The following GALNT5 variants were observed in gnomAD, a reference collection of about 807,000 sequenced individuals.
The protein encoded by GALNT5 is UDP-GalNAc:polypeptide N-acetylgalactosaminyltransferase 5.
Under a neutral mutation model 85.4 loss-of-function variants are expected in GALNT5, and 72 were observed. The observed-to-expected ratio is 0.84, with a 90% confidence interval of 0.70 to 1.03. The LOEUF (loss-of-function observed/expected upper bound fraction) is 1.03. Ranked by LOEUF, GALNT5 falls within the 50% of genes least tolerant of loss-of-function variation. The pLI is 0.00. For missense variants in GALNT5, 1,137 were observed against 1,135.5 expected, an observed-to-expected ratio of 1.00 and a Z score of -0.02; for synonymous variants, 404 against 397.0, an observed-to-expected ratio of 1.02 and a Z score of -0.21.
At chr2:157,307,823 G>A (rs1683486749) in intron 8 of GALNT5, among the ~76,000 whole-genome samples, 1 of 152,070 alleles carries the variant, frequency 6.6e-6, no homozygotes, top group South Asian at 2.1e-4. Flanking sequence ...CACAGACCCA[G>A]AGCATTAGAG....
rs542739133 is a variant in GALNT5, at chr2:157,314,904, C to G, written c.*3556C>G. Among the ~76,000 whole-genome samples the G allele has an allele frequency of 5.3e-5, 8 of 151,972 alleles. No homozygotes were observed. Among genetic ancestry groups the G allele is most frequent in the Non-Finnish European group, 1.0e-4 (7 of 67,990 alleles). ...ACCAGCCTGGGCAACATGGTGAAAC[C>G]CCGTCTCTACTAAAAATACAAAAAT... On this transcript the variant is annotated 3_prime_UTR_variant, in exon 10 of 10. Coordinates refer to ENST00000259056, the MANE Select transcript of GALNT5 (RefSeq NM_014568.3).
At chr2:157,296,745 T>C (rs896649496) in intron 5 of GALNT5, among the ~76,000 whole-genome samples, 3 of 152,198 alleles carry the variant, frequency 2.0e-5, no homozygotes, top group African/African-American at 7.2e-5. Flanking sequence ...AATTCACTAA[T>C]GCTATCCTGT....
chr2:157,300,091 G>T (rs1457760754), intron 6 of GALNT5, among the ~76,000 whole-genome samples: 1 of 152,190 alleles, frequency 6.6e-6, no homozygotes, highest in Non-Finnish European at 1.5e-5. Flanking sequence ...AACAGGTCAG[G>T]TGTGCCTTAT....
intron 2 of GALNT5, among the ~76,000 whole-genome samples, chr2:157,285,190 G>A (rs1381513004): frequency 6.6e-6 from 1 of 152,200 alleles, no homozygotes; most frequent in Non-Finnish European, 1.5e-5. Context: ...AGTTTCTTTA[G>A]CTTCAGAGTT....
chr2:157,272,779 T>G (rs1487683926), intron 1 of GALNT5, among the ~76,000 whole-genome samples: 1 of 152,216 alleles, frequency 6.6e-6, no homozygotes, highest in Non-Finnish European at 1.5e-5. Context: ...AATCCACCAT[T>G]GAGGGGCACC....
rs150434278 is a variant in GALNT5 at position 157,259,410 on chromosome 2, G to A, written c.1328G>A (p.Arg443His). 2.1e-4 allele frequency: 320 copies of A among 1,490,146 alleles called. 3 individuals are homozygous for A. In the Middle Eastern group the frequency reaches 2.9e-3, roughly 13 times the overall value. The allele number at this position is 1,490,146 out of a possible 1,614,324, so 92.3% of individuals were successfully genotyped here. ...CCCAAAGCTCCAGGGCAGTTTGGGCGTCCTGTAGTTGTCCCCCATGGAAAG... is the reference window on the plus strand; with the variant it reads ...CCCAAAGCTCCAGGGCAGTTTGGGCATCCTGTAGTTGTCCCCCATGGAAAG... Reference protein sequence around the residue: ...RDPKAPGQFGRPVVVPHGKEK... With the variant: ...RDPKAPGQFGHPVVVPHGKEK... The change falls in exon 1 of 10, where the codon CGT (arginine) becomes CAT (histidine). Residue 443 changes from arginine to histidine, a missense_variant. Transcript: ENST00000259056.
intron 1 of GALNT5, among the ~76,000 whole-genome samples, chr2:157,270,215 A>C (rs758752798): frequency 2.4e-4 from 36 of 152,144 alleles, no homozygotes; most frequent in Admixed American, 9.2e-4. Context: ...TTTCTACCTC[A>C]TGTGCTCTGA....
chr2:157,307,325 T>C (rs2105169752), intron 8 of GALNT5, among the ~76,000 whole-genome samples: 1 of 152,288 alleles, frequency 6.6e-6, no homozygotes, highest in Non-Finnish European at 1.5e-5. Flanking sequence ...ACAACATTCA[T>C]CCAAAAAGGC....
At position 157,281,213 on chromosome 2, in the gene GALNT5, C is replaced by T. The variant is rs1308379065; in HGVS notation, c.1455-3069C>T. ...CCAAGTAGCTGGGATTACAGGCACC[C>T]GCAACGATGCCCAGCTAATTTTTGT... On this transcript the variant is annotated intron_variant, in intron 1 of 9. Coordinates refer to ENST00000259056, the MANE Select transcript of GALNT5 (RefSeq NM_014568.3). 3.3e-5 allele frequency among the ~76,000 whole-genome samples: 5 copies of T among 152,228 alleles called. No homozygotes were observed. The East Asian group carries it at 7.7e-4, about 24-fold the overall frequency.
Position 157,271,143 on chromosome 2 carries a change from C to G in GALNT5, c.1454+11607C>G, listed in dbSNP as rs564421221. Reference sequence around the variant, plus strand: ...GTGAAAGCGTTGTCAGAGACGGCATCTCTATGAAGGGAATATTTAAGATAG... The same window carrying G: ...GTGAAAGCGTTGTCAGAGACGGCATGTCTATGAAGGGAATATTTAAGATAG... On this transcript the variant is annotated intron_variant, in intron 1 of 9. Coordinates refer to ENST00000259056, the MANE Select transcript of GALNT5 (RefSeq NM_014568.3). Among the ~76,000 whole-genome samples the G allele has an allele frequency of 2.6e-5, 4 of 151,996 alleles. No individual in the cohort carries two copies. The South Asian group carries it at 8.3e-4, about 32-fold the overall frequency.
At chr2:157,307,012 T>A (rs1209245214) in intron 8 of GALNT5, among the ~76,000 whole-genome samples, 1 of 3,896 alleles carries the variant, frequency 2.6e-4, no homozygotes, top group Non-Finnish European at 3.9e-3. Flanking sequence ...AATAATGCAT[T>A]TTTTTTTTTT....
At chr2:157,296,323 G>A in intron 4 of GALNT5, 71 bp from the exon 5 acceptor site, 1 of 1,241,250 alleles carries the variant, frequency 8.1e-7, no homozygotes. Context: ...ACATCGTGAA[G>A]CCAAATCGAT....
In GALNT5 at chr2:157,314,862, G is replaced by A. The variant is rs1333059048; in HGVS notation, c.*3514G>A. Reference sequence around the variant, plus strand: ...TAGGAGGCCAAGGTGGGTGGATCATGAGGTCAGGAGTTCAAGACCAGCCTG... The same window carrying A: ...TAGGAGGCCAAGGTGGGTGGATCATAAGGTCAGGAGTTCAAGACCAGCCTG... On this transcript the variant is annotated 3_prime_UTR_variant, in exon 10 of 10. Coordinates refer to ENST00000259056, the MANE Select transcript of GALNT5 (RefSeq NM_014568.3). Among the ~76,000 whole-genome samples the A allele has an allele frequency of 1.3e-5, 2 of 152,144 alleles. No individual in the cohort carries two copies. The highest frequency in any genetic ancestry group is 3.2e-3 in the Middle Eastern group (1 of 316).
chr2:157,299,628 A>ATGTT lies in GALNT5; in HGVS notation c.2081_2084dup (p.Trp695CysfsTer19). 3 of 1,611,440 alleles carry ATGTT rather than the reference A, an allele frequency of 1.9e-6. No homozygotes were observed. The South Asian group carries it at 3.3e-5, about 18-fold the overall frequency. On this transcript the variant is annotated frameshift_variant, in exon 6 of 10. Transcript: ENST00000259056. LOFTEE classifies it high-confidence loss of function. ...CTTGGAACATACGACCCTGGCCTTG[A>ATGTT]TGTTTGGGGTGGGGAAAATATGGAG...
intron 3 of GALNT5, among the ~76,000 whole-genome samples, chr2:157,292,372 T>C (rs1683119788): frequency 6.6e-6 from 1 of 152,212 alleles, no homozygotes; most frequent in African/African-American, 2.4e-5. Flanking sequence ...GATCTTATTT[T>C]AAAACAAAGT....
At chr2:157,264,170 CACAT>C (rs1370239560) in intron 1 of GALNT5, among the ~76,000 whole-genome samples, 1 of 129,196 alleles carries the variant, frequency 7.7e-6, no homozygotes, top group Non-Finnish European at 1.5e-5. Context: ...ACAATCAACA[CACAT>C]ACACACACAC....
Position 157,315,252 on chromosome 2 carries a change from A to G in GALNT5, c.*3904A>G, listed in dbSNP as rs999225796. Among the ~76,000 whole-genome samples, 2 of 152,160 alleles carry G rather than the reference A, an allele frequency of 1.3e-5. No homozygotes were observed. The highest frequency in any genetic ancestry group is 4.8e-5 in the African/African-American group (2 of 41,434). ...CCCATCTCACTGATGGGTACAACTC[A>G]TCAAATGACTCTCATTCTCCCTGTT... On this transcript the variant is annotated 3_prime_UTR_variant, in exon 10 of 10. Coordinates refer to ENST00000259056, the MANE Select transcript of GALNT5 (RefSeq NM_014568.3).
intron 1 of GALNT5, among the ~76,000 whole-genome samples, chr2:157,276,615 G>T (rs1682732701): frequency 6.6e-6 from 1 of 152,144 alleles, no homozygotes; most frequent in African/African-American, 2.4e-5. Flanking sequence ...TTTGCATAGA[G>T]GTGTTTATAG....
intron 1 of GALNT5, among the ~76,000 whole-genome samples, chr2:157,278,898 C>T (rs1294688445): frequency 6.6e-6 from 1 of 152,160 alleles, no homozygotes; most frequent in Non-Finnish European, 1.5e-5. Flanking sequence ...AAGAGGTGCT[C>T]TGGTTTTTAG....
Sources: allele counts gnomAD v4.1 joint callset (sites outside exome capture counted in the v4.1 genomes callset), GRCh38; gene constraint gnomAD v4.1.1; transcripts MANE v1.5; gene names NCBI Gene and HGNC (gene_info 2026-07-23, HGNC 2026-07-21).